The following ANAPC1 variants were observed in gnomAD, a reference collection of about 807,000 sequenced individuals.
The protein encoded by ANAPC1 is anaphase promoting complex subunit 1, also known as anaphase-promoting complex subunit 1.
In ANAPC1, 36 loss-of-function variants were observed where a neutral mutation model predicts 208.0. The ratio of observed to expected loss-of-function variants is 0.17; its 90% CI spans 0.13 to 0.23. The LOEUF is 0.23. ANAPC1 is among the 10% of genes least tolerant of loss of function. The pLI is 1.00. For missense variants in ANAPC1, 942 were observed against 2,011.6 expected, an observed-to-expected ratio of 0.47 and a Z score of 10.17; for synonymous variants, 378 against 695.2, an observed-to-expected ratio of 0.54 and a Z score of 7.18.
At chr2:111,879,511 G>C (rs1243856088) in intron 2 of ANAPC1, among the ~76,000 whole-genome samples, 8 of 152,184 alleles carry the variant, frequency 5.3e-5, no homozygotes, top group Non-Finnish European at 1.5e-5. Flanking sequence ...AAAGGGATAT[G>C]ACAATGGAAT....
At chr2:111,858,767 G>GAA (rs59260533) in intron 10 of ANAPC1, among the ~76,000 whole-genome samples, 10 of 122,854 alleles carry the variant, frequency 8.1e-5, no homozygotes, top group African/African-American at 2.8e-4. Context: ...GTCTCAAAAA[G>GAA]AAAAAAAAAA....
intron 16 of ANAPC1, among the ~76,000 whole-genome samples, chr2:111,846,015 G>T (rs1199579978): frequency 6.6e-6 from 1 of 150,720 alleles, no homozygotes; most frequent in Non-Finnish European, 1.5e-5. Flanking sequence ...AGAAGGCAAG[G>T]AATCTCTATA....
chr2:111,766,911 G>A (rs1338205077), downstream of ANAPC1: 1 of 470,452 alleles, frequency 2.1e-6, no homozygotes, highest in Non-Finnish European at 4.4e-6. Flanking sequence ...GTGAGAAAAT[G>A]GCCTTATTCA....
At chr2:111,833,890 CTA>C (rs1680324997) in intron 19 of ANAPC1, among the ~76,000 whole-genome samples, 1 of 152,096 alleles carries the variant, frequency 6.6e-6, no homozygotes, top group African/African-American at 2.4e-5. Flanking sequence ...AGAAAATGTA[CTA>C]TGTCTTAACT....
At chr2:111,783,831 T>G in intron 42 of ANAPC1, 66 bp downstream of exon 42, 1 of 613,038 alleles carries the variant, frequency 1.6e-6, no homozygotes, top group Middle Eastern at 4.5e-4. Flanking sequence ...AATCTATAAT[T>G]TATACCTTCT....
intron 16 of ANAPC1, among the ~76,000 whole-genome samples, chr2:111,844,441 C>A (rs1247572985): frequency 2.0e-5 from 3 of 151,564 alleles, no homozygotes; most frequent in Non-Finnish European, 4.4e-5. Context: ...TTGTGGCAGG[C>A]ACCTGTAATC....
At chr2:111,865,769 C>T (rs1682369789) in intron 7 of ANAPC1, 1 of 164,588 alleles carries the variant, frequency 6.1e-6, no homozygotes, top group Admixed American at 6.5e-5. Flanking sequence ...ATAATGGCTA[C>T]ACTCCTCCCT....
chr2:111,782,564 A>G, intron 42 of ANAPC1, 57 bp from the exon 43 acceptor site: 1 of 1,606,810 alleles, frequency 6.2e-7, no homozygotes, highest in Non-Finnish European at 8.5e-7. Flanking sequence ...TTGGCTGGAA[A>G]TAGTGTTTTC....
At chr2:111,856,160 G>A (rs931676999) in intron 13 of ANAPC1, among the ~76,000 whole-genome samples, 4 of 152,106 alleles carry the variant, frequency 2.6e-5, no homozygotes, top group African/African-American at 7.2e-5. Flanking sequence ...GTGTGAACCC[G>A]GGAGGCGGAG....
At chr2:111,836,725 T>G (rs551164129) in intron 18 of ANAPC1, among the ~76,000 whole-genome samples, 1 of 152,138 alleles carries the variant, frequency 6.6e-6, no homozygotes, top group South Asian at 2.1e-4. Context: ...TCTCAGCACT[T>G]TGGGAGGCCA....
rs190912081 is a variant in ANAPC1 at position 111,836,405 on chromosome 2, T to C, written c.2116-1533A>G. 4.4e-3 allele frequency among the ~76,000 whole-genome samples: 665 copies of C among 150,128 alleles called. 6 individuals are homozygous for C. The highest frequency in any genetic ancestry group is 0.015 in the African/African-American group (633 of 41,004). The stretch of plus-strand genomic sequence containing the variant: ...CCTGTAATCGCAGCACTTTGAGAGA[T>C]AGGGGCAGGAGGACTGCTTGAGCCC... On this transcript the variant is annotated intron_variant, in intron 18 of 47. Transcript: ENST00000341068.
intron 3 of ANAPC1, among the ~76,000 whole-genome samples, chr2:111,875,584 T>G (rs1397801788): frequency 1.3e-5 from 2 of 152,174 alleles, no homozygotes; most frequent in East Asian, 3.8e-4. Flanking sequence ...ACAGTCTCCC[T>G]CCTCTCCAGT....
chr2:111,881,913 G>C (rs892639245), intron 1 of ANAPC1, among the ~76,000 whole-genome samples: 1 of 152,122 alleles, frequency 6.6e-6, no homozygotes, highest in East Asian at 1.9e-4. Flanking sequence ...GACCGGGTGC[G>C]GTGGCTCACG....
chr2:111,797,646 C>A (rs913951491), intron 34 of ANAPC1, among the ~76,000 whole-genome samples: 1 of 152,082 alleles, frequency 6.6e-6, no homozygotes, highest in Admixed American at 6.5e-5. Flanking sequence ...CAAGTATAAA[C>A]CCTAGACAAA....
chr2:111,824,159 T>C (rs902309157), intron 24 of ANAPC1, among the ~76,000 whole-genome samples: 1 of 146,934 alleles, frequency 6.8e-6, no homozygotes, highest in East Asian at 2.0e-4. Flanking sequence ...TACAAATGGA[T>C]AGAACTAATC....
chr2:111,779,588 G>A (rs1394693418), intron 44 of ANAPC1: 2 of 152,674 alleles, frequency 1.3e-5, no homozygotes, highest in African/African-American at 4.8e-5. Flanking sequence ...TATAATCCCA[G>A]CACTTTGGGA....
chr2:111,856,417 G>C, intron 13 of ANAPC1, 197 bp downstream of exon 13: 1 of 581,118 alleles, frequency 1.7e-6, no homozygotes, highest in Admixed American at 3.2e-5. Flanking sequence ...GCATTTAACA[G>C]CAGTGAGCCA....
At chr2:111,860,881 C>T (rs1573484401) in intron 10 of ANAPC1, among the ~76,000 whole-genome samples, 1 of 152,070 alleles carries the variant, frequency 6.6e-6, no homozygotes. Flanking sequence ...CTATATACTA[C>T]ATGTACACAC....
chr2:111,822,002 A>C (rs920497046), intron 25 of ANAPC1, among the ~76,000 whole-genome samples: 20 of 152,196 alleles, frequency 1.3e-4, no homozygotes, highest in African/African-American at 4.8e-4. Flanking sequence ...AATTCAAAAA[A>C]TTCAACACAT....
Sources: allele counts gnomAD v4.1 joint callset (sites outside exome capture counted in the v4.1 genomes callset), GRCh38; gene constraint gnomAD v4.1.1; transcripts MANE v1.5; gene names NCBI Gene and HGNC (gene_info 2026-07-23, HGNC 2026-07-21).